The following PTPRR variants were observed in gnomAD, a reference collection of about 807,000 sequenced individuals.
PTPRR encodes the protein protein tyrosine phosphatase receptor type R, also known as receptor-type tyrosine-protein phosphatase R.
Under a neutral mutation model 77.2 loss-of-function variants are expected in PTPRR, and 38 were observed. The observed-to-expected ratio is 0.49, with a 90% CI of 0.38 to 0.65. The LOEUF is 0.65. Ranked by LOEUF, PTPRR falls within the 30% of genes least tolerant of loss-of-function variation. The probability of loss-of-function intolerance (pLI) is 0.00; values close to 1 mark genes in which losing one functional copy is unlikely to be tolerated. For missense variants in PTPRR, 744 were observed against 799.2 expected, an observed-to-expected ratio of 0.93 and a Z score of 0.83; for synonymous variants, 299 against 283.1, an observed-to-expected ratio of 1.06 and a Z score of -0.57.
At chr12:70,848,028 G>A (rs773866022) in intron 2 of PTPRR, among the ~76,000 whole-genome samples, 2 of 151,988 alleles carry the variant, frequency 1.3e-5, no homozygotes, top group Non-Finnish European at 2.9e-5. Flanking sequence ...ATCTACTATT[G>A]CCTAAACCTA....
At chr12:70,764,301 T>C (rs1036834032) in intron 3 of PTPRR, among the ~76,000 whole-genome samples, 2 of 152,190 alleles carry the variant, frequency 1.3e-5, no homozygotes, top group Admixed American at 6.5e-5. Context: ...TAATGGAGAA[T>C]ATTTTCGGAG....
chr12:70,832,421 T>C (rs1254768362), intron 2 of PTPRR, among the ~76,000 whole-genome samples: 1 of 152,138 alleles, frequency 6.6e-6, no homozygotes. Context: ...TAAAATATTA[T>C]GGATAAAGGG....
chr12:70,735,931 G>A (rs189405651), intron 6 of PTPRR, among the ~76,000 whole-genome samples: 41 of 152,304 alleles, frequency 2.7e-4, no homozygotes, highest in African/African-American at 9.6e-4. Context: ...GTGCAGGCAT[G>A]ACCATGTGCT....
chr12:70,726,055 A>G (rs562178299), intron 6 of PTPRR, among the ~76,000 whole-genome samples: 1 of 151,760 alleles, frequency 6.6e-6, no homozygotes, highest in Non-Finnish European at 1.5e-5. Flanking sequence ...TTTGTATGAC[A>G]TTACCCAGAA....
chr12:70,892,106 T>C (rs899512433), intron 2 of PTPRR, among the ~76,000 whole-genome samples: 3 of 152,094 alleles, frequency 2.0e-5, no homozygotes, highest in Non-Finnish European at 4.4e-5. Context: ...AATGGGATCA[T>C]TGTATCACTT....
chr12:70,902,178 T>A (rs1893546988), intron 1 of PTPRR, among the ~76,000 whole-genome samples: 1 of 151,806 alleles, frequency 6.6e-6, no homozygotes, highest in South Asian at 2.1e-4. Context: ...GATGTTGGCA[T>A]GGATGCAGTG....
intron 1 of PTPRR, among the ~76,000 whole-genome samples, chr12:70,916,108 T>C (rs926536921): frequency 1.3e-5 from 2 of 152,004 alleles, no homozygotes; most frequent in Admixed American, 1.3e-4. Context: ...GAAAGAAAAG[T>C]TAGGCAGGGA....
intron 2 of PTPRR, among the ~76,000 whole-genome samples, chr12:70,786,511 T>C (rs536106803): frequency 4.6e-5 from 7 of 152,320 alleles, no homozygotes; most frequent in African/African-American, 1.4e-4. Context: ...TATGTGCTTA[T>C]ATTCAATCAA....
chr12:70,724,204 A>G (rs1889356506), intron 6 of PTPRR, among the ~76,000 whole-genome samples: 1 of 152,176 alleles, frequency 6.6e-6, no homozygotes, highest in African/African-American at 2.4e-5. Flanking sequence ...ATAAATTGCA[A>G]AATACTCCTC....
At chr12:70,847,134 A>G (rs551960773) in intron 2 of PTPRR, among the ~76,000 whole-genome samples, 18 of 152,304 alleles carry the variant, frequency 1.2e-4, no homozygotes, top group Non-Finnish European at 2.4e-4. Flanking sequence ...GTTAAGCACA[A>G]AAGTTTTGAC....
chr12:70,651,526 C>T (rs12299314), intron 13 of PTPRR, among the ~76,000 whole-genome samples: 29,050 of 152,110 alleles, frequency 0.19, 4,014 homozygotes, highest in African/African-American at 0.39. Context: ...TTGCCGACAA[C>T]GTCACTCCAA....
At chr12:70,645,826 G>GA (rs34675980) in intron 13 of PTPRR, among the ~76,000 whole-genome samples, 26,598 of 150,670 alleles carry the variant, frequency 0.18, 3,188 homozygotes, top group African/African-American at 0.35. Context: ...GTTAGAAAGG[G>GA]AAAAAAAAAT....
intron 2 of PTPRR, among the ~76,000 whole-genome samples, chr12:70,777,499 C>A (rs1231498056): frequency 6.6e-6 from 1 of 152,028 alleles, no homozygotes; most frequent in Non-Finnish European, 1.5e-5. Flanking sequence ...GCCACTCTTC[C>A]CACCAATTCT....
chr12:70,787,128 T>G (rs1191116605), intron 2 of PTPRR, among the ~76,000 whole-genome samples: 1 of 152,234 alleles, frequency 6.6e-6, no homozygotes, highest in Non-Finnish European at 1.5e-5. Context: ...ACAACATGAC[T>G]CTGCCTATTT....
chr12:70,662,394 T>C (rs1363554059), intron 11 of PTPRR, 101 bp downstream of exon 11: 2 of 617,962 alleles, frequency 3.2e-6, no homozygotes, highest in African/African-American at 3.7e-5. Context: ...CATTATTTAA[T>C]TTGCTTAAAT....
Position 70,889,849 on chromosome 12 carries a change from G to C in PTPRR, c.357+2830C>G, listed in dbSNP as rs911716378. Among the ~76,000 whole-genome samples the C allele has an allele frequency of 2.0e-5, 3 of 151,822 alleles. No individual in the cohort carries two copies. The East Asian group carries it at 5.8e-4, about 29-fold the overall frequency. On this transcript the variant is annotated intron_variant, in intron 2 of 13. Transcript: ENST00000283228. Reference sequence around the variant, plus strand: ...TTCTTACCCATGAGTCCATCTCACAGAGTAAATCATAATCTTCCCATTTCC... The same window carrying C: ...TTCTTACCCATGAGTCCATCTCACACAGTAAATCATAATCTTCCCATTTCC...
rs60112971 is a variant in PTPRR at position 70,640,626 on chromosome 12, ACT to A, written c.1881-1351_1881-1350del. On this transcript the variant is annotated intron_variant, in intron 13 of 13. Transcript: ENST00000283228. ...GCAACTGATCTTATCTTTTAGTTTAACTCTATGTTTTAACCAGATTTTTCCAA... is the reference window on the plus strand; with the variant it reads ...GCAACTGATCTTATCTTTTAGTTTAACTATGTTTTAACCAGATTTTTCCAA... Among the ~76,000 whole-genome samples the A allele has an allele frequency of 7.5e-3, 1,146 of 152,242 alleles. 15 individuals carry two copies. The highest frequency in any genetic ancestry group is 0.026 in the African/African-American group (1,092 of 41,550).
intron 1 of PTPRR, among the ~76,000 whole-genome samples, chr12:70,894,619 A>C (rs1893394382): frequency 6.6e-6 from 1 of 151,756 alleles, no homozygotes; most frequent in Non-Finnish European, 1.5e-5. Context: ...TAAAATAATA[A>C]ATACACACCT....
chr12:70,745,899 C>A lies in PTPRR; in HGVS notation c.926G>T (p.Gly309Val), dbSNP rs1890198554. 1 of 1,613,974 alleles carries A rather than the reference C, an allele frequency of 6.2e-7. No homozygotes were observed. Among genetic ancestry groups the A allele is most frequent in the Non-Finnish European group, 8.5e-7 (1 of 1,180,010 alleles). The change falls in exon 6 of 14, where the codon GGT (glycine) becomes GTT (valine). Residue 309 changes from glycine (G) to valine (V), a missense_variant. Physicochemically the swap from Gly to Val is moderately radical, Grantham distance 109. This residue lies in a region of PTPRR where 570 missense variants were observed against 573.2 expected (regional missense o/e 0.99). Transcript: ENST00000283228. ...GGTGGTAGCTTTGATCTCAGGAGCA[C>A]CTCGGCCTTGAGGGTCCACGACAAC... Reference protein sequence around the residue: ...LNVVVDPQGRGAPEIKATTAT... With the variant: ...LNVVVDPQGRVAPEIKATTAT...
Sources: allele counts gnomAD v4.1 joint callset (sites outside exome capture counted in the v4.1 genomes callset), GRCh38; gene constraint gnomAD v4.1.1; regional missense constraint gnomAD v4.1.1; transcripts MANE v1.5; gene names NCBI Gene and HGNC (gene_info 2026-07-23, HGNC 2026-07-21).